NUBP1: variants seen among roughly 807,000 people sequenced by gnomAD.
NUBP1 encodes the protein NUBP iron-sulfur cluster assembly factor 1, cytosolic.
A neutral mutation model predicts 41.8 loss-of-function variants in NUBP1; 46 were observed. That is an observed-to-expected ratio of 1.10 (90% CI 0.87 to 1.41). The LOEUF (loss-of-function observed/expected upper bound fraction) is 1.41, where lower values mean the gene tolerates loss of function less well. Ranked by LOEUF, NUBP1 falls within the 40% of genes most tolerant of loss-of-function variation. NUBP1 has a pLI of 0.00. For synonymous variants in NUBP1, 189 were observed against 154.6 expected, an observed-to-expected ratio of 1.22 and a Z score of -1.65; for missense variants, 494 against 414.0, an observed-to-expected ratio of 1.19 and a Z score of -1.68.
intron 7 of NUBP1, among the ~76,000 whole-genome samples, chr16:10,760,182 G>A (rs1315537690): frequency 6.6e-6 from 1 of 152,212 alleles, no homozygotes; most frequent in Non-Finnish European, 1.5e-5. Flanking sequence ...GCAGGGATTG[G>A]CAAACTTTTC....
chr16:10,749,320 C>G lies in NUBP1; in HGVS notation c.258+2044C>G, dbSNP rs1900212472. Among the ~76,000 whole-genome samples the G allele has an allele frequency of 6.6e-6, 1 of 152,152 alleles. No individual in the cohort carries two copies. Among genetic ancestry groups the G allele is most frequent in the African/African-American group, 2.4e-5 (1 of 41,414 alleles). On this transcript the variant is annotated intron_variant, in intron 3 of 10. Coordinates refer to ENST00000283027, the MANE Select transcript of NUBP1 (RefSeq NM_002484.4). This position sits in a 1 kb window ranked among gnomAD's most constrained non-coding sequence, Gnocchi z 4.1. ...CTTTTCGAAGCTGTCAGGAATATTC[C>G]TAAACAGCTCACTGGAGATGGGCTT...
At chr16:10,762,251 C>T (rs938523171) in intron 9 of NUBP1, 4 of 169,876 alleles carry the variant, frequency 2.4e-5, no homozygotes, top group Non-Finnish European at 3.8e-5. Context: ...CCTCCTGTGC[C>T]CGGAGAAGCC....
chr16:10,745,937 T>C (rs1229095806), intron 2 of NUBP1, among the ~76,000 whole-genome samples: 1 of 152,220 alleles, frequency 6.6e-6, no homozygotes, highest in Non-Finnish European at 1.5e-5. Context: ...GAGGTTACAG[T>C]CCTAAAGTTA....
At chr16:10,760,579 A>G (rs1245897462) in intron 7 of NUBP1, among the ~76,000 whole-genome samples, 1 of 152,170 alleles carries the variant, frequency 6.6e-6, no homozygotes, top group Non-Finnish European at 1.5e-5. Flanking sequence ...TCTATAAAAA[A>G]TTAAAAAGTT....
intron 4 of NUBP1, among the ~76,000 whole-genome samples, chr16:10,754,717 A>G (rs1900475870): frequency 6.6e-6 from 1 of 152,042 alleles, no homozygotes; most frequent in Admixed American, 6.6e-5. Context: ...GCTGAGGGGT[A>G]TAGGGATTCT....
At chr16:10,754,934 A>C (rs983929519) in intron 4 of NUBP1, among the ~76,000 whole-genome samples, 2 of 152,146 alleles carry the variant, frequency 1.3e-5, no homozygotes, top group Admixed American at 1.3e-4. Context: ...AATCTCAGCT[A>C]CCTGGGAGGC....
In NUBP1 at chr16:10,768,974, C is replaced by T; in HGVS notation, c.905-73C>T. 1 of 1,368,294 alleles carries T rather than the reference C, an allele frequency of 7.3e-7. No homozygotes were observed. Among genetic ancestry groups the T allele is most frequent in the Non-Finnish European group, 1.0e-6 (1 of 959,308 alleles). 84.8% of individuals were successfully genotyped at this position (1,368,294 alleles called of 1,614,324 possible). The stretch of plus-strand genomic sequence containing the variant: ...TCCACCCCTGTCAAAACACAGCCCT[C>T]CCCAGCACAGGACAGGGCTGTCAAG... On this transcript the variant is annotated intron_variant, in intron 10 of 10. Coordinates refer to ENST00000283027, the MANE Select transcript of NUBP1 (RefSeq NM_002484.4). The surrounding 1 kb of genome is among the most constrained non-coding windows in gnomAD (Gnocchi z 4.3).
Position 10,766,711 on chromosome 16 carries a change from G to C in NUBP1, c.821-1238G>C. The C allele has an allele frequency of 2.6e-6, 1 of 384,334 alleles. No individual in the cohort carries two copies. The highest frequency in any genetic ancestry group is 3.7e-5 in the East Asian group (1 of 26,918). The allele number at this position is 384,334 out of a possible 1,614,324, so 23.8% of individuals were successfully genotyped here. A position where few individuals can be genotyped will look rare whatever the true frequency, so the allele number is the denominator to read the frequency against. ...AGGAAGGGATTTATTGAAAATGAAA[G>C]TCAACTCCACGGTGTGGGAGGAGAA... On this transcript the variant is annotated intron_variant, in intron 9 of 10. Coordinates refer to ENST00000283027, the MANE Select transcript of NUBP1 (RefSeq NM_002484.4). This position sits in a 1 kb window ranked among gnomAD's most constrained non-coding sequence, Gnocchi z 4.8.
chr16:10,743,966 C>G lies in NUBP1; in HGVS notation c.25C>G (p.Pro9Ala), dbSNP rs761142433. The G allele has an allele frequency of 1.3e-6, 2 of 1,585,900 alleles. No individual in the cohort carries two copies. Among genetic ancestry groups the G allele is most frequent in the Middle Eastern group, 1.7e-4 (1 of 5,944 alleles). ...GTGGTCTTGTCTCTGCGCAGACTGTCCAGGGGCCGACAGCGCCCAGGCGGG... is the reference window on the plus strand; with the variant it reads ...GTGGTCTTGTCTCTGCGCAGACTGTGCAGGGGCCGACAGCGCCCAGGCGGG... MEEVPHDCPGADSAQAGRG... is the reference protein window; with the variant it reads MEEVPHDCAGADSAQAGRG... Residue 9 changes from proline (P) to alanine (A), a missense_variant, in exon 2 of 11, where the codon CCA becomes GCA. Coordinates refer to ENST00000283027, the MANE Select transcript of NUBP1 (RefSeq NM_002484.4).
At chr16:10,764,120 C>G (rs1478713993) in intron 9 of NUBP1, among the ~76,000 whole-genome samples, 1 of 152,042 alleles carries the variant, frequency 6.6e-6, no homozygotes, top group African/African-American at 2.4e-5. Context: ...GTATCTCAGC[C>G]CACGGGAGCA....
rs1567255206 is a variant in NUBP1, at chr16:10,750,875, C to CA, written c.259-1732dup. Reference sequence around the variant, plus strand: ...CTTGCAGCATCTCCACCTTCTGCAGCAAACGCGGCCTCTTCCCATCAGCTG... The same window carrying CA: ...CTTGCAGCATCTCCACCTTCTGCAGCAAAACGCGGCCTCTTCCCATCAGCTG... On this transcript the variant is annotated intron_variant, in intron 3 of 10. Transcript: ENST00000283027. 2.0e-5 allele frequency among the ~76,000 whole-genome samples: 3 copies of CA among 152,238 alleles called. No homozygotes were observed. In the East Asian group the frequency reaches 5.8e-4, roughly 29 times the overall value.
Position 10,752,679 on chromosome 16 carries a change from G to C in NUBP1, c.327+1G>C, listed in dbSNP as rs752065273. 6.2e-7 allele frequency: 1 copy of C among 1,612,994 alleles called. No individual in the cohort carries two copies. On this transcript the variant is annotated splice_donor_variant, in intron 4 of 10. Transcript: ENST00000283027. LOFTEE classifies it high-confidence loss of function. ...GATAATGGGATTGGAAGGAGAGCAG[G>C]TAATAGCCGGTTACAGAACTCAGGA...
chr16:10,757,742 T>G lies in NUBP1; in HGVS notation c.452-131T>G, dbSNP rs1283203589. The G allele has an allele frequency of 7.6e-6, 8 of 1,057,956 alleles. No individual in the cohort carries two copies. Among genetic ancestry groups the G allele is most frequent in the Non-Finnish European group, 1.1e-5 (8 of 732,082 alleles). The allele number at this position is 1,057,956 out of a possible 1,614,324, so 65.5% of individuals were successfully genotyped here. A position where few individuals can be genotyped will look rare whatever the true frequency, so the allele number is the denominator to read the frequency against. ...ACTTGGGAGGCTGAGGTGGGAGGAT[T>G]GCTTGAGCCTCAGAGTTAAGAGCCA... On this transcript the variant is annotated intron_variant, in intron 6 of 10. Transcript: ENST00000283027. This position sits in a 1 kb window ranked among gnomAD's most constrained non-coding sequence, Gnocchi z 4.1.
Position 10,767,739 on chromosome 16 carries a change from AT to A in NUBP1, c.821-208del, listed in dbSNP as rs1352956193. On this transcript the variant is annotated intron_variant, in intron 9 of 10. Coordinates refer to ENST00000283027, the MANE Select transcript of NUBP1 (RefSeq NM_002484.4). This position sits in a 1 kb window ranked among gnomAD's most constrained non-coding sequence, Gnocchi z 4.6. ...ACCTGCATTTTCTGTACACCACCTGATTATTTAGCCACGCTGAAATGCTGGC... is the reference window on the plus strand; with the variant it reads ...ACCTGCATTTTCTGTACACCACCTGATATTTAGCCACGCTGAAATGCTGGC... 2 of 582,764 alleles carry A rather than the reference AT, an allele frequency of 3.4e-6. No individual in the cohort carries two copies. Among genetic ancestry groups the A allele is most frequent in the Admixed American group, 6.0e-5 (2 of 33,248 alleles). The allele number at this position is 582,764 out of a possible 1,614,324, so 36.1% of individuals were successfully genotyped here. A position where few individuals can be genotyped will look rare whatever the true frequency, so the allele number is the denominator to read the frequency against.
At position 10,757,065 on chromosome 16, in the gene NUBP1, C is replaced by T. The variant is rs1289495115; in HGVS notation, c.451+285C>T. 6.6e-6 allele frequency among the ~76,000 whole-genome samples: 1 copy of T among 152,032 alleles called. No homozygotes were observed. The highest frequency in any genetic ancestry group is 1.5e-5 in the Non-Finnish European group (1 of 68,000). On this transcript the variant is annotated intron_variant, in intron 6 of 10. Transcript: ENST00000283027. The surrounding 1 kb of genome is among the most constrained non-coding windows in gnomAD (Gnocchi z 4.1). Reference sequence around the variant, plus strand: ...CTGTAATCCCAGCACTTTGGGAGGCCGAGGCAGGTGGATCACCTGAGGTCA... The same window carrying T: ...CTGTAATCCCAGCACTTTGGGAGGCTGAGGCAGGTGGATCACCTGAGGTCA...
rs148599400 is a variant in NUBP1 at position 10,757,899 on chromosome 16, G to A, written c.478G>A (p.Val160Met). The change falls in exon 7 of 11, where the codon GTG (valine) becomes ATG (methionine). Residue 160 changes from valine to methionine, a missense_variant. Val to Met is a conservative substitution (Grantham distance 21). Coordinates refer to ENST00000283027, the MANE Select transcript of NUBP1 (RefSeq NM_002484.4). The surrounding 1 kb of genome is among the most constrained non-coding windows in gnomAD (Gnocchi z 4.1). ...CATGATCAAGCAGTTCCTCCGAGATGTGGACTGGGGAGAGGTCGACTACCT... is the reference window on the plus strand; with the variant it reads ...CATGATCAAGCAGTTCCTCCGAGATATGGACTGGGGAGAGGTCGACTACCT... Reference protein sequence around the residue: ...NGMIKQFLRDVDWGEVDYLIV... With the variant: ...NGMIKQFLRDMDWGEVDYLIV... 6.4e-4 allele frequency: 1,026 copies of A among 1,614,120 alleles called. 6 individuals are homozygous for A. The highest frequency in any genetic ancestry group is 4.9e-4 in the Middle Eastern group (3 of 6,062).
Position 10,769,137 on chromosome 16 carries a change from C to G in NUBP1, c.*32C>G. ...AGAATGTTCAGGACCAAGCAGTTAC[C>G]GAGCGAGGCACTCACTGGGCAGCAC... On this transcript the variant is annotated 3_prime_UTR_variant, in exon 11 of 11. Coordinates refer to ENST00000283027, the MANE Select transcript of NUBP1 (RefSeq NM_002484.4). The G allele has an allele frequency of 4.4e-6, 7 of 1,607,292 alleles. No individual in the cohort carries two copies. In the South Asian group the frequency reaches 7.7e-5, roughly 18 times the overall value.
At position 10,767,814 on chromosome 16, in the gene NUBP1, T is replaced by C; in HGVS notation, c.821-135T>C. 1 of 776,836 alleles carries C rather than the reference T, an allele frequency of 1.3e-6. No homozygotes were observed. Among genetic ancestry groups the C allele is most frequent in the African/African-American group, 1.7e-5 (1 of 57,364 alleles). The allele number at this position is 776,836 out of a possible 1,614,324, so 48.1% of individuals were successfully genotyped here. Reference sequence around the variant, plus strand: ...TCCCTGAGACCCCACTGGTCTTTTCTACTTTGTTCTTCATTACGAGTGAAG... The same window carrying C: ...TCCCTGAGACCCCACTGGTCTTTTCCACTTTGTTCTTCATTACGAGTGAAG... On this transcript the variant is annotated intron_variant, in intron 9 of 10. Coordinates refer to ENST00000283027, the MANE Select transcript of NUBP1 (RefSeq NM_002484.4). This position sits in a 1 kb window ranked among gnomAD's most constrained non-coding sequence, Gnocchi z 4.6.
In NUBP1 at chr16:10,749,030, G is replaced by A. The variant is rs540032903; in HGVS notation, c.258+1754G>A. On this transcript the variant is annotated intron_variant, in intron 3 of 10. Coordinates refer to ENST00000283027, the MANE Select transcript of NUBP1 (RefSeq NM_002484.4). This position sits in a 1 kb window ranked among gnomAD's most constrained non-coding sequence, Gnocchi z 4.1. ...CGTTTGAACCCAGGAGGCGGAGGTC[G>A]CGGTGGGCCAAGATTGCCCTACTGC... 5.3e-4 allele frequency among the ~76,000 whole-genome samples: 80 copies of A among 151,492 alleles called. 5 individuals carry two copies. The highest frequency in any genetic ancestry group is 2.9e-3 in the South Asian group (14 of 4,782).
Sources: allele counts gnomAD v4.1 joint callset (sites outside exome capture counted in the v4.1 genomes callset), GRCh38; gene constraint gnomAD v4.1.1; non-coding constraint Gnocchi (gnomAD v3.1); transcripts MANE v1.5; gene names NCBI Gene and HGNC (gene_info 2026-07-23, HGNC 2026-07-21).